Variants in B3GAT1 observed in about 807,000 individuals in gnomAD.
B3GAT1 encodes the protein galactosylgalactosylxylosylprotein 3-beta-glucuronosyltransferase 1.
Under a neutral mutation model 28.4 loss-of-function variants are expected in B3GAT1, and 11 were observed. The ratio of observed to expected loss-of-function variants is 0.39; its 90% CI spans 0.24 to 0.64. B3GAT1 has a LOEUF of 0.64. B3GAT1 is among the 30% of genes least tolerant of loss of function. B3GAT1 has a pLI of 0.50. For missense variants in B3GAT1, 375 were observed against 491.0 expected, an observed-to-expected ratio of 0.76 and a Z score of 2.23; for synonymous variants, 255 against 223.1, an observed-to-expected ratio of 1.14 and a Z score of -1.27.
chr11:134,397,533 CA>C lies in B3GAT1; in HGVS notation c.-281-9594del, dbSNP rs111854890. The stretch of plus-strand genomic sequence containing the variant: ...AGTGCCCCATTCCCACCCAGAGCCA[CA>C]GGGGGGGCCAGAGGGCAGTGCCCCA... On this transcript the variant is annotated intron_variant, in intron 1 of 5. Coordinates refer to ENST00000312527, the MANE Select transcript of B3GAT1 (RefSeq NM_054025.3). Among the ~76,000 whole-genome samples, 505 of 151,938 alleles carry C rather than the reference CA, an allele frequency of 3.3e-3. 4 individuals are homozygous for C. Among genetic ancestry groups the C allele is most frequent in the African/African-American group, 0.011 (438 of 41,312 alleles).
Position 134,382,822 on chromosome 11 carries a change from C to T in B3GAT1, c.806G>A (p.Ser269Asn), listed in dbSNP as rs760771426. 6.2e-7 allele frequency: 1 copy of T among 1,614,214 alleles called. No homozygotes were observed. The highest frequency in any genetic ancestry group is 1.1e-5 in the South Asian group (1 of 91,086). ...ACCTCGCAGCTTGAAGTAGGCCTGG[C>T]TTCGCTGCAGAATGAGCCGCAGGTT... Reference protein sequence around the residue: ...AVNLRLILQRSQAYFKLRGVK... With the variant: ...AVNLRLILQRNQAYFKLRGVK... The change falls in exon 4 of 6, where the codon AGC becomes AAC. Residue 269 changes from serine to asparagine, a missense_variant. Transcript: ENST00000312527.
chr11:134,382,059 G>A (rs903651762), intron 4 of B3GAT1, 35 bp from the exon 5 acceptor site: 1 of 1,596,700 alleles, frequency 6.3e-7, no homozygotes, highest in African/African-American at 1.3e-5. Context: ...TGGTGGGACA[G>A]GCCCCTGACC....
In B3GAT1 at chr11:134,383,853, G is replaced by T; in HGVS notation, c.448C>A (p.Arg150Ser). ...GCGTCTCCGCGCAGCTTGTAGTTGC[G>T]GGGCGTCTCCACGTGCAGGTGCGTG... ...NYTHLHVETP[R>S]NYKLRGDARD... The change falls in exon 3 of 6, where the codon CGC becomes AGC. Residue 150 changes from arginine (R) to serine (S), a missense_variant. Arg to Ser is a moderately radical substitution (Grantham distance 110). Coordinates refer to ENST00000312527, the MANE Select transcript of B3GAT1 (RefSeq NM_054025.3). The T allele has an allele frequency of 6.3e-7, 1 of 1,596,076 alleles. No individual in the cohort carries two copies. Among genetic ancestry groups the T allele is most frequent in the Non-Finnish European group, 8.5e-7 (1 of 1,174,174 alleles).
At chr11:134,387,511 G>A in intron 2 of B3GAT1, 37 bp downstream of exon 2, 2 of 1,609,444 alleles carry the variant, frequency 1.2e-6, no homozygotes, top group African/African-American at 2.7e-5. Context: ...CACTACCAAG[G>A]CCCAGCTGGG....
In B3GAT1 at chr11:134,384,032, G is replaced by A; in HGVS notation, c.269C>T (p.Thr90Met). Residue 90 changes from threonine to methionine, a missense_variant, in exon 3 of 6, where the codon ACG (threonine) becomes ATG (methionine). By Grantham distance (81) the Thr-to-Met change is moderately conservative (BLOSUM62 -1). Coordinates refer to ENST00000312527, the MANE Select transcript of B3GAT1 (RefSeq NM_054025.3). ...SDTLPTIHVV[T>M]PTYSRPVQKA... The stretch of plus-strand genomic sequence containing the variant: ...CTGCACCGGGCGGCTGTAGGTGGGC[G>A]TCACCACGTGGATGGTGGGCAGCGT... 6.2e-7 allele frequency: 1 copy of A among 1,605,506 alleles called. No individual in the cohort carries two copies.
At chr11:134,404,202 G>A (rs1196988969) in intron 1 of B3GAT1, among the ~76,000 whole-genome samples, 1 of 151,528 alleles carries the variant, frequency 6.6e-6, no homozygotes, top group Non-Finnish European at 1.5e-5. Flanking sequence ...CCCGGTGTGT[G>A]ATGTTCCCCT....
intron 1 of B3GAT1, chr11:134,389,674 C>A (rs903643356): frequency 2.0e-5 from 3 of 152,458 alleles, no homozygotes; most frequent in Admixed American, 2.0e-4. Context: ...ACTGTGCCCA[C>A]CCGTCCCAGT....
At chr11:134,399,629 G>A (rs1055059745) in intron 1 of B3GAT1, among the ~76,000 whole-genome samples, 1 of 152,222 alleles carries the variant, frequency 6.6e-6, no homozygotes, top group Non-Finnish European at 1.5e-5. Context: ...GAAAGGCTGG[G>A]ATGCCCTAGA....
rs557818266 is a variant in B3GAT1, at chr11:134,393,755, G to A, written c.-281-5815C>T. 2.6e-5 allele frequency among the ~76,000 whole-genome samples: 4 copies of A among 152,284 alleles called. No individual in the cohort carries two copies. In the South Asian group the frequency reaches 8.3e-4, roughly 32 times the overall value. On this transcript the variant is annotated intron_variant, in intron 1 of 5. Coordinates refer to ENST00000312527, the MANE Select transcript of B3GAT1 (RefSeq NM_054025.3). This position sits in a 1 kb window ranked among gnomAD's most constrained non-coding sequence, Gnocchi z 4.0. ...GGGCTCAGTGGTGACAGCAGAGGGAGCCCCAGGCATCACACGGCGCCGGTC... is the reference window on the plus strand; with the variant it reads ...GGGCTCAGTGGTGACAGCAGAGGGAACCCCAGGCATCACACGGCGCCGGTC...
Position 134,393,866 on chromosome 11 carries a change from C to T in B3GAT1, c.-281-5926G>A, listed in dbSNP as rs185658771. ...TATCATCTCTGTCACCCAGGAACCC[C>T]AGTGCCCCCAAAGAGAGGGAGGGAC... On this transcript the variant is annotated intron_variant, in intron 1 of 5. Transcript: ENST00000312527. The surrounding 1 kb of genome is among the most constrained non-coding windows in gnomAD (Gnocchi z 4.0). Among the ~76,000 whole-genome samples the T allele has an allele frequency of 6.6e-6, 1 of 152,174 alleles. No homozygotes were observed. The highest frequency in any genetic ancestry group is 1.5e-5 in the Non-Finnish European group (1 of 68,042).
chr11:134,404,011 ATATATATATATATATATATT>A (rs1233358434), intron 1 of B3GAT1, among the ~76,000 whole-genome samples: 3 of 108,250 alleles, frequency 2.8e-5, no homozygotes, highest in Admixed American at 8.7e-5. Flanking sequence ...ATATATATAT[ATATATATATATATATATATT>A]TATTATACGT....
Position 134,378,794 on chromosome 11 carries a change from A to C in B3GAT1, c.*1968T>G, listed in dbSNP as rs1433533590. On this transcript the variant is annotated 3_prime_UTR_variant, in exon 6 of 6. Transcript: ENST00000312527. The stretch of plus-strand genomic sequence containing the variant: ...TCCACCAGGGTTATAATTATAAATA[A>C]ATATACATGCAGCTAAAAGAGGATA... The C allele has an allele frequency of 6.6e-6, 1 of 151,940 alleles. No individual in the cohort carries two copies. The highest frequency in any genetic ancestry group is 1.5e-5 in the Non-Finnish European group (1 of 67,920). The allele number at this position is 151,940 out of a possible 1,614,324, so 9.4% of individuals were successfully genotyped here.
At chr11:134,385,297 C>T (rs1944249777) in intron 2 of B3GAT1, 1 of 152,382 alleles carries the variant, frequency 6.6e-6, no homozygotes, top group African/African-American at 2.4e-5. Flanking sequence ...GGACCCCGGG[C>T]ATCAGCTCTT....
rs758261799 is a variant in B3GAT1 at position 134,384,070 on chromosome 11, C to CG, written c.230dup (p.Pro78AlafsTer169). ...TGGTGGGCAGCGTGTCGGACCATGGCGGGGGCCGCGTGTACACGTACTCGG... is the reference window on the plus strand; with the variant it reads ...TGGTGGGCAGCGTGTCGGACCATGGCGGGGGGCCGCGTGTACACGTACTCGG... On this transcript the variant is annotated frameshift_variant, in exon 3 of 6. Transcript: ENST00000312527. LOFTEE classifies it high-confidence loss of function. The CG allele has an allele frequency of 6.2e-7, 1 of 1,602,558 alleles. No homozygotes were observed. The highest frequency in any genetic ancestry group is 2.2e-5 in the East Asian group (1 of 44,746).
intron 3 of B3GAT1, 54 bp from the exon 4 acceptor site, chr11:134,383,060 G>C (rs577584567): frequency 7.8e-5 from 116 of 1,478,178 alleles, no homozygotes; most frequent in Non-Finnish European, 1.0e-4. Flanking sequence ...GAGGACGGCC[G>C]CGCGTGCCCA....
Position 134,379,011 on chromosome 11 carries a change from ACCT to A in B3GAT1, c.*1748_*1750del, listed in dbSNP as rs1944069757. On this transcript the variant is annotated 3_prime_UTR_variant, in exon 6 of 6. Transcript: ENST00000312527. ...ACACATAAGCTCACCACCTGTGCCCACCTCCTCCCTTCTCTCCCATGCCACCCC... is the reference window on the plus strand; with the variant it reads ...ACACATAAGCTCACCACCTGTGCCCACCTCCCTTCTCTCCCATGCCACCCC... The A allele has an allele frequency of 6.6e-6, 1 of 151,998 alleles. No homozygotes were observed. Among genetic ancestry groups the A allele is most frequent in the Non-Finnish European group, 1.5e-5 (1 of 67,962 alleles). 9.4% of individuals were successfully genotyped at this position (151,998 alleles called of 1,614,324 possible). A position where few individuals can be genotyped will look rare whatever the true frequency, so the allele number is the denominator to read the frequency against.
At chr11:134,394,376 A>C (rs1944466307) in intron 1 of B3GAT1, among the ~76,000 whole-genome samples, 1 of 152,210 alleles carries the variant, frequency 6.6e-6, no homozygotes, top group Non-Finnish European at 1.5e-5. Context: ...TCACTGCGTT[A>C]GGTGTCAGCA....
intron 1 of B3GAT1, among the ~76,000 whole-genome samples, chr11:134,399,246 A>G (rs75876931): frequency 6.6e-6 from 1 of 152,160 alleles, no homozygotes; most frequent in African/African-American, 2.4e-5. Context: ...TTCCAGCTCT[A>G]TGAATAGACC....
rs766234152 is a variant in B3GAT1 at position 134,383,845 on chromosome 11, G to A, written c.456C>T (p.Tyr152=). The A allele has an allele frequency of 2.5e-6, 4 of 1,595,792 alleles. No individual in the cohort carries two copies. Among genetic ancestry groups the A allele is most frequent in the South Asian group, 2.2e-5 (2 of 89,530 alleles). ...THLHVETPRN[Y]KLRGDARDPR... is the part of the protein sequence containing the mutation. ...GGTCGCGGGCGTCTCCGCGCAGCTT[G>A]TAGTTGCGGGGCGTCTCCACGTGCA... The change falls in exon 3 of 6, where the codon TAC becomes TAT. Residue 152 remains tyrosine (Y), a synonymous_variant. Transcript: ENST00000312527.
Sources: allele counts gnomAD v4.1 joint callset (sites outside exome capture counted in the v4.1 genomes callset), GRCh38; gene constraint gnomAD v4.1.1; non-coding constraint Gnocchi (gnomAD v3.1); transcripts MANE v1.5; gene names NCBI Gene and HGNC (gene_info 2026-07-23, HGNC 2026-07-21).